Variants in PLCE1 observed in about 807,000 individuals in gnomAD.
PLCE1 encodes 1-phosphatidylinositol 4,5-bisphosphate phosphodiesterase epsilon-1.
In PLCE1, 119 loss-of-function variants were observed where a neutral mutation model predicts 242.8. That is an observed-to-expected ratio of 0.49 (90% CI 0.42 to 0.57). The LOEUF (loss-of-function observed/expected upper bound fraction) is 0.57. Among genes scored for constraint, PLCE1 ranks in the 20% least tolerant of loss-of-function variants. The pLI, the probability that PLCE1 is intolerant of heterozygous loss-of-function variation, is 0.00. For synonymous variants in PLCE1, 945 were observed against 1,017.4 expected (o/e 0.93, Z 1.35); for missense variants, 2,441 against 2,788.8 (o/e 0.88, Z 2.81).
At chr10:94,314,759 TAA>T (rs1191991307) in intron 28 of PLCE1, 1 of 152,138 alleles carries the variant, frequency 6.6e-6, no homozygotes, top group Non-Finnish European at 1.5e-5. Flanking sequence ...TCACAAATAA[TAA>T]GTGTCAATAA....
At chr10:94,266,673 G>A (rs930605472) in intron 16 of PLCE1, among the ~76,000 whole-genome samples, 3 of 152,118 alleles carry the variant, frequency 2.0e-5, no homozygotes, top group African/African-American at 7.2e-5. Context: ...TTGGAGCCAG[G>A]CAGGGAATAT....
chr10:94,134,167 C>A (rs2046694739), intron 3 of PLCE1, among the ~76,000 whole-genome samples: 1 of 150,018 alleles, frequency 6.7e-6, no homozygotes, highest in Non-Finnish European at 1.5e-5. Flanking sequence ...GTGGCATGAT[C>A]TTGGCTCACT....
At chr10:93,996,338 T>C (rs1452618807) in intron 1 of PLCE1, among the ~76,000 whole-genome samples, 1 of 152,234 alleles carries the variant, frequency 6.6e-6, no homozygotes, top group Non-Finnish European at 1.5e-5. Flanking sequence ...CTGAAGTTGC[T>C]TTCCTCCCAA....
chr10:94,261,845 G>A (rs983988533), intron 13 of PLCE1, among the ~76,000 whole-genome samples: 3 of 152,044 alleles, frequency 2.0e-5, no homozygotes, highest in South Asian at 4.2e-4. Flanking sequence ...AATTTTAAGG[G>A]TATATCTTCA....
intron 4 of PLCE1, among the ~76,000 whole-genome samples, chr10:94,196,991 C>T (rs1161797567): frequency 6.6e-6 from 1 of 152,152 alleles, no homozygotes; most frequent in African/African-American, 2.4e-5. Context: ...CAGTCACTCC[C>T]CATTCCTCCC....
intron 3 of PLCE1, among the ~76,000 whole-genome samples, chr10:94,160,248 G>C (rs2047565162): frequency 6.6e-6 from 1 of 152,102 alleles, no homozygotes; most frequent in Non-Finnish European, 1.5e-5. Flanking sequence ...GTGTAAAAGT[G>C]TTCCTATTTC....
intron 7 of PLCE1, among the ~76,000 whole-genome samples, chr10:94,239,920 A>G (rs2050447100): frequency 6.6e-6 from 1 of 152,200 alleles, no homozygotes; most frequent in African/African-American, 2.4e-5. Flanking sequence ...ATCAATGCCC[A>G]ACACACAACA....
chr10:94,103,934 C>A (rs1410568162), intron 2 of PLCE1, among the ~76,000 whole-genome samples: 2 of 152,224 alleles, frequency 1.3e-5, no homozygotes. Flanking sequence ...AGAGAAATGT[C>A]ATTTTGATTT....
intron 3 of PLCE1, among the ~76,000 whole-genome samples, chr10:94,149,705 A>T (rs1420220210): frequency 6.6e-6 from 1 of 152,134 alleles, no homozygotes; most frequent in African/African-American, 2.4e-5. Context: ...GGTCAACTTT[A>T]AAATCTCCCA....
chr10:94,254,565 C>T (rs1198220367), intron 10 of PLCE1, among the ~76,000 whole-genome samples: 1 of 152,174 alleles, frequency 6.6e-6, no homozygotes, highest in Non-Finnish European at 1.5e-5. Flanking sequence ...ACCAGTGATT[C>T]TCAACCTTGG....
At chr10:94,197,734 G>A (rs1449119641) in intron 4 of PLCE1, among the ~76,000 whole-genome samples, 1 of 152,110 alleles carries the variant, frequency 6.6e-6, no homozygotes, top group Non-Finnish European at 1.5e-5. Flanking sequence ...TGTAATCCCA[G>A]CACTTTGGGA....
chr10:94,118,717 T>A (rs1367086863), intron 2 of PLCE1, among the ~76,000 whole-genome samples: 3 of 152,178 alleles, frequency 2.0e-5, no homozygotes, highest in Non-Finnish European at 4.4e-5. Context: ...CCTCTTTCTT[T>A]CGCAAATTGC....
intron 3 of PLCE1, chr10:94,155,742 G>A (rs1265004200): frequency 2.0e-5 from 3 of 151,686 alleles, no homozygotes; most frequent in Non-Finnish European, 2.9e-5. Context: ...GCTGAAGTGA[G>A]CACAAATTGT....
At chr10:94,197,570 A>G (rs931438518) in intron 4 of PLCE1, among the ~76,000 whole-genome samples, 1 of 152,184 alleles carries the variant, frequency 6.6e-6, no homozygotes, top group African/African-American at 2.4e-5. Context: ...ATTTTCCTAA[A>G]TAGCTAATGA....
intron 2 of PLCE1, among the ~76,000 whole-genome samples, chr10:94,106,740 G>C (rs2045749142): frequency 6.6e-6 from 1 of 152,032 alleles, no homozygotes; most frequent in Non-Finnish European, 1.5e-5. Context: ...TTTGGGAATT[G>C]AATGCTTCCT....
intron 4 of PLCE1, among the ~76,000 whole-genome samples, chr10:94,226,967 G>T (rs2049966855): frequency 6.6e-6 from 1 of 151,128 alleles, no homozygotes; most frequent in South Asian, 2.1e-4. Context: ...TGAAGCTGAG[G>T]CAGGGTTCAA....
At position 94,262,632 on chromosome 10, in the gene PLCE1, C is replaced by G. The variant is rs1344374749; in HGVS notation, c.3953C>G (p.Ser1318Cys). The change falls in exon 14 of 33, where the codon TCT (serine) becomes TGT (cysteine). Residue 1318 changes from serine to cysteine, a missense_variant. Physicochemically the swap from Ser to Cys is moderately radical, Grantham distance 112 (BLOSUM62 -1). Transcript: ENST00000371380. ...AATGGCACTGGGATTGAGAGCACATCTCTGGGCATTTTTGGGGTGGGCATA... is the reference window on the plus strand; with the variant it reads ...AATGGCACTGGGATTGAGAGCACATGTCTGGGCATTTTTGGGGTGGGCATA... ...VTNGTGIEST[S>C]LGIFGVGILQ... The G allele has an allele frequency of 6.2e-7, 1 of 1,613,964 alleles. No individual in the cohort carries two copies. Among genetic ancestry groups the G allele is most frequent in the African/African-American group, 1.3e-5 (1 of 74,902 alleles).
intron 26 of PLCE1, among the ~76,000 whole-genome samples, chr10:94,307,343 G>C (rs2053238207): frequency 6.6e-6 from 1 of 152,076 alleles, no homozygotes; most frequent in African/African-American, 2.4e-5. Context: ...TGGCTCTGAT[G>C]GTCTCCTTTG....
intron 2 of PLCE1, among the ~76,000 whole-genome samples, chr10:94,065,043 C>T (rs2044160741): frequency 6.6e-6 from 1 of 152,192 alleles, no homozygotes; most frequent in East Asian, 1.9e-4. Context: ...CTTAGGGAAA[C>T]TATCTGTTTT....
Sources: gnomAD v4.1 joint callset for allele counts (sites outside exome capture counted in the v4.1 genomes callset) on GRCh38, gnomAD v4.1.1 for gene constraint, MANE v1.5 for transcripts, NCBI Gene and HGNC (gene_info 2026-07-23, HGNC 2026-07-21) for gene names.